GPC5: variants seen among roughly 807,000 people sequenced by gnomAD.
The protein encoded by GPC5 is glypican 5.
In GPC5, 47 loss-of-function variants were observed where a neutral mutation model predicts 53.9. The ratio of observed to expected loss-of-function variants is 0.87; its 90% CI spans 0.69 to 1.11. The LOEUF is 1.11. GPC5 is among the 50% of genes most tolerant of loss of function. The pLI, the probability that GPC5 is intolerant of heterozygous loss-of-function variation, is 0.00. For missense variants in GPC5, 748 were observed against 713.1 expected, an observed-to-expected ratio of 1.05 and a Z score of -0.56; for synonymous variants, 286 against 263.3, an observed-to-expected ratio of 1.09 and a Z score of -0.84.
At chr13:91,727,438 T>C (rs2036599308) in intron 3 of GPC5, among the ~76,000 whole-genome samples, 1 of 152,222 alleles carries the variant, frequency 6.6e-6, no homozygotes, top group African/African-American at 2.4e-5. Flanking sequence ...ATTCCTTTAT[T>C]TCTTCCCTCT....
chr13:92,333,590 A>G (rs376639476), intron 7 of GPC5, among the ~76,000 whole-genome samples: 3 of 152,062 alleles, frequency 2.0e-5, no homozygotes, highest in Non-Finnish European at 4.4e-5. Flanking sequence ...CATAGGCTTA[A>G]AAAAAGACTG....
At chr13:91,985,872 A>C (rs1231141072) in intron 6 of GPC5, among the ~76,000 whole-genome samples, 1 of 152,108 alleles carries the variant, frequency 6.6e-6, no homozygotes, top group Non-Finnish European at 1.5e-5. Context: ...TTGTGTTCTG[A>C]AAATTCTTAG....
At chr13:92,527,186 A>G (rs1339798861) in intron 7 of GPC5, among the ~76,000 whole-genome samples, 1 of 17,666 alleles carries the variant, frequency 5.7e-5, no homozygotes, top group African/African-American at 2.5e-4. Flanking sequence ...AAGAAAGAAG[A>G]AAGAAAGAAA....
At chr13:92,711,619 C>G (rs1251711245) in intron 7 of GPC5, among the ~76,000 whole-genome samples, 1 of 151,892 alleles carries the variant, frequency 6.6e-6, no homozygotes, top group Non-Finnish European at 1.5e-5. Flanking sequence ...TAGGCCATTC[C>G]AAAACAGTAG....
chr13:91,513,206 T>C (rs910912989), intron 2 of GPC5, among the ~76,000 whole-genome samples: 11 of 152,224 alleles, frequency 7.2e-5, no homozygotes, highest in African/African-American at 2.4e-4. Context: ...CCGTTGTAAG[T>C]AGTAATATGG....
At position 91,559,043 on chromosome 13, in the gene GPC5, A is replaced by G. The variant is rs144785511; in HGVS notation, c.325+110121A>G. On this transcript the variant is annotated intron_variant, in intron 2 of 7. Transcript: ENST00000377067. The stretch of plus-strand genomic sequence containing the variant: ...GTTTTTGTCTTCTGATTGGATCCTC[A>G]CTGATACAGAATTACTACTAGATTG... 5.9e-4 allele frequency among the ~76,000 whole-genome samples: 89 copies of G among 152,042 alleles called. 1 individual carries two copies. The highest frequency in any genetic ancestry group is 2.0e-3 in the African/African-American group (85 of 41,480).
chr13:92,060,800 A>C (rs931366984), intron 6 of GPC5, among the ~76,000 whole-genome samples: 3 of 152,082 alleles, frequency 2.0e-5, no homozygotes, highest in Non-Finnish European at 2.9e-5. Flanking sequence ...TGAGAATAGA[A>C]ATTATTAAAG....
chr13:92,361,380 C>T (rs2043565665), intron 7 of GPC5, among the ~76,000 whole-genome samples: 1 of 151,620 alleles, frequency 6.6e-6, no homozygotes, highest in Non-Finnish European at 1.5e-5. Context: ...TTGTCACTGA[C>T]TTGGCCTCCT....
chr13:91,521,760 C>T (rs1885829519), intron 2 of GPC5, among the ~76,000 whole-genome samples: 1 of 152,144 alleles, frequency 6.6e-6, no homozygotes, highest in Non-Finnish European at 1.5e-5. Flanking sequence ...ACACCATCTA[C>T]CTAAAGATAG....
chr13:91,825,237 G>C (rs1159032712), intron 5 of GPC5, among the ~76,000 whole-genome samples: 2 of 151,994 alleles, frequency 1.3e-5, no homozygotes, highest in Non-Finnish European at 2.9e-5. Flanking sequence ...TTTTTATTCT[G>C]TACCTAACTT....
chr13:92,292,846 G>A (rs974434266), intron 7 of GPC5, among the ~76,000 whole-genome samples: 2 of 152,106 alleles, frequency 1.3e-5, no homozygotes, highest in African/African-American at 2.4e-5. Context: ...TTTTGTATGA[G>A]TTGAGAGATG....
At chr13:92,177,691 A>G (rs567694734) in intron 7 of GPC5, among the ~76,000 whole-genome samples, 1 of 152,270 alleles carries the variant, frequency 6.6e-6, no homozygotes, top group South Asian at 2.1e-4. Flanking sequence ...GCTCTGTCTG[A>G]TAAATATTTT....
At chr13:92,087,950 A>G (rs1352514542) in intron 6 of GPC5, among the ~76,000 whole-genome samples, 2 of 149,070 alleles carry the variant, frequency 1.3e-5, no homozygotes, top group Non-Finnish European at 3.0e-5. Flanking sequence ...TTTTTTTTTT[A>G]AAGAGATGGG....
At chr13:92,756,178 A>C (rs2139332683) in intron 7 of GPC5, among the ~76,000 whole-genome samples, 1 of 152,230 alleles carries the variant, frequency 6.6e-6, no homozygotes, top group South Asian at 2.1e-4. Context: ...GGTTCATTAT[A>C]TGCAAATCAA....
intron 1 of GPC5, among the ~76,000 whole-genome samples, chr13:91,417,904 G>A (rs1292231054): frequency 6.6e-6 from 1 of 152,032 alleles, no homozygotes; most frequent in East Asian, 1.9e-4. Flanking sequence ...TCTTATGTGT[G>A]GTTTTACTTT....
intron 2 of GPC5, among the ~76,000 whole-genome samples, chr13:91,564,725 T>C (rs1188752333): frequency 1.3e-5 from 2 of 152,254 alleles, no homozygotes; most frequent in East Asian, 3.9e-4. Flanking sequence ...ATGATATATT[T>C]GAATTTTTTT....
chr13:92,174,575 A>C (rs1452825760), intron 7 of GPC5, among the ~76,000 whole-genome samples: 2 of 151,718 alleles, frequency 1.3e-5, no homozygotes, highest in Non-Finnish European at 2.9e-5. Context: ...ACAACAAAAA[A>C]AACAAAATTT....
At chr13:91,499,965 T>C (rs1311441557) in intron 2 of GPC5, among the ~76,000 whole-genome samples, 2 of 152,232 alleles carry the variant, frequency 1.3e-5, no homozygotes, top group East Asian at 3.8e-4. Flanking sequence ...TCTTGTATTC[T>C]GGAGTCCTTT....
chr13:92,273,710 G>A (rs900749676), intron 7 of GPC5, among the ~76,000 whole-genome samples: 1 of 152,056 alleles, frequency 6.6e-6, no homozygotes, highest in Non-Finnish European at 1.5e-5. Flanking sequence ...ATGTGGAAAG[G>A]AAGCTCAAAC....
Sources: allele counts gnomAD v4.1 joint callset (sites outside exome capture counted in the v4.1 genomes callset), GRCh38; gene constraint gnomAD v4.1.1; transcripts MANE v1.5; gene names NCBI Gene and HGNC (gene_info 2026-07-23, HGNC 2026-07-21).